MCTP1: variants seen among roughly 807,000 people sequenced by gnomAD.
The protein encoded by MCTP1 is multiple C2 and transmembrane domain containing 1.
MCTP1 carries 69 observed loss-of-function variants against 120.6 expected under a neutral mutation model. The observed-to-expected ratio is 0.57, with a 90% CI of 0.47 to 0.70. The LOEUF is 0.70. MCTP1 is among the 30% of genes least tolerant of loss of function. MCTP1 has a pLI of 0.00. For missense variants in MCTP1, 1,203 were observed against 1,248.8 expected (o/e 0.96, Z 0.55); for synonymous variants, 529 against 493.1 (o/e 1.07, Z -0.96).
chr5:94,887,565 A>G (rs1331440340), intron 12 of MCTP1, among the ~76,000 whole-genome samples: 1 of 152,210 alleles, frequency 6.6e-6, no homozygotes, highest in African/African-American at 2.4e-5. Context: ...AAGAAATTTC[A>G]TAAGTAGGAA....
chr5:94,923,380 A>G (rs1345752705), intron 7 of MCTP1, among the ~76,000 whole-genome samples: 1 of 152,226 alleles, frequency 6.6e-6, no homozygotes, highest in Non-Finnish European at 1.5e-5. Context: ...ATGGATGGTC[A>G]TTATGCTTTA....
chr5:94,955,604 G>A (rs185003647), intron 2 of MCTP1, among the ~76,000 whole-genome samples: 1 of 152,284 alleles, frequency 6.6e-6, no homozygotes, highest in Non-Finnish European at 1.5e-5. Context: ...CCATTACTGA[G>A]GCTTGAGTAG....
At chr5:95,102,395 C>A (rs181548329) in intron 1 of MCTP1, among the ~76,000 whole-genome samples, 84 of 152,330 alleles carry the variant, frequency 5.5e-4, no homozygotes, top group African/African-American at 2.0e-3. Flanking sequence ...ACAGTGCCAA[C>A]CTGCAGGACT....
At chr5:94,909,463 G>T in intron 9 of MCTP1, 82 bp from the exon 10 acceptor site, 2 of 1,396,348 alleles carry the variant, frequency 1.4e-6, no homozygotes, top group South Asian at 2.7e-5. Context: ...TCAAACTTTT[G>T]GTACTATAGT....
intron 1 of MCTP1, among the ~76,000 whole-genome samples, chr5:95,231,371 C>T (rs1754922861): frequency 6.6e-6 from 1 of 151,992 alleles, no homozygotes; most frequent in African/African-American, 2.4e-5. Flanking sequence ...TAGACTTTTG[C>T]TTCTCAACAA....
At chr5:94,830,619 C>T (rs949473366) in intron 17 of MCTP1, among the ~76,000 whole-genome samples, 1 of 152,144 alleles carries the variant, frequency 6.6e-6, no homozygotes, top group African/African-American at 2.4e-5. Context: ...TTCTTTAAGT[C>T]CTATTTAATT....
intron 12 of MCTP1, among the ~76,000 whole-genome samples, chr5:94,886,872 CGTGT>C (rs369897697): frequency 6.6e-6 from 1 of 151,394 alleles, no homozygotes; most frequent in Non-Finnish European, 1.5e-5. Flanking sequence ...TACATGTGTG[CGTGT>C]GTGTGTGTGT....
At chr5:94,995,535 A>T (rs1204046226) in intron 2 of MCTP1, among the ~76,000 whole-genome samples, 1 of 152,228 alleles carries the variant, frequency 6.6e-6, no homozygotes, top group Non-Finnish European at 1.5e-5. Flanking sequence ...CTCCTTGCAG[A>T]GTGAATTGAA....
chr5:94,908,789 A>G (rs1468358955), intron 10 of MCTP1, among the ~76,000 whole-genome samples: 1 of 152,028 alleles, frequency 6.6e-6, no homozygotes, highest in Non-Finnish European at 1.5e-5. Context: ...TGCTTCCTAC[A>G]CTAATACTTG....
intron 1 of MCTP1, among the ~76,000 whole-genome samples, chr5:95,228,227 CA>C (rs1045658476): frequency 2.0e-5 from 3 of 152,052 alleles, no homozygotes; most frequent in African/African-American, 7.2e-5. Context: ...ACAACAACAA[CA>C]AAAAACAATG....
intron 6 of MCTP1, chr5:94,931,587 A>AC (rs938266121): frequency 2.9e-4 from 53 of 185,032 alleles, no homozygotes; most frequent in Non-Finnish European, 3.7e-4. Context: ...ATTTTCTGTG[A>AC]CCCCCCAAAA....
chr5:94,795,062 T>G (rs190180609), intron 18 of MCTP1, among the ~76,000 whole-genome samples: 32 of 152,326 alleles, frequency 2.1e-4, no homozygotes, highest in African/African-American at 7.2e-4. Context: ...TTAATCTTTC[T>G]GGCCCTGTTT....
At chr5:94,906,954 A>T (rs10476617) in intron 10 of MCTP1, among the ~76,000 whole-genome samples, 2,928 of 152,312 alleles carry the variant, frequency 0.019, 87 homozygotes, top group African/African-American at 0.067. Context: ...GATTATGATG[A>T]CAGTTTTATT....
At chr5:95,257,873 G>A (rs75912777) in intron 1 of MCTP1, among the ~76,000 whole-genome samples, 31 of 149,952 alleles carry the variant, frequency 2.1e-4, no homozygotes, top group Middle Eastern at 3.5e-3. Flanking sequence ...AAATGAAAGC[G>A]TTCCCAATGG....
intron 2 of MCTP1, among the ~76,000 whole-genome samples, chr5:94,996,424 T>C (rs1485477584): frequency 6.6e-6 from 1 of 152,196 alleles, no homozygotes; most frequent in Admixed American, 6.5e-5. Context: ...TAGGATACTA[T>C]AGCCATTTCC....
rs758327608 is a variant in MCTP1 at position 94,902,473 on chromosome 5, ACACT to A, written c.1652+6774_1652+6777del. On this transcript the variant is annotated intron_variant, in intron 10 of 22. Coordinates refer to ENST00000515393, the MANE Select transcript of MCTP1 (RefSeq NM_024717.7). ...GATTGGCAGAACATTGAAACATAAA[ACACT>A]CAGAATGGGAAGACATGCCTCTATG... Among the ~76,000 whole-genome samples, 6 of 152,294 alleles carry A rather than the reference ACACT, an allele frequency of 3.9e-5. No individual in the cohort carries two copies. In the East Asian group the frequency reaches 7.7e-4, roughly 20 times the overall value.
chr5:95,061,475 T>A (rs62364724), intron 1 of MCTP1, among the ~76,000 whole-genome samples: 3 of 120,874 alleles, frequency 2.5e-5, no homozygotes, highest in East Asian at 2.8e-4. Flanking sequence ...TCGCTCTGTC[T>A]CCCAGGCTGG....
rs1431239784 is a variant in MCTP1, at chr5:94,940,070, G to A, written c.1173+14C>T. 2.0e-6 allele frequency: 3 copies of A among 1,473,566 alleles called. No homozygotes were observed. Among genetic ancestry groups the A allele is most frequent in the Admixed American group, 3.5e-5 (2 of 57,968 alleles). The allele number at this position is 1,473,566 out of a possible 1,614,324, so 91.3% of individuals were successfully genotyped here. ...AACAAGAAAGAGCTCCTACTAGGCT[G>A]TGGGGGAACTTACCACATCCCTGGA... On this transcript the variant is annotated intron_variant, in intron 5 of 22. Coordinates refer to ENST00000515393, the MANE Select transcript of MCTP1 (RefSeq NM_024717.7).
At chr5:95,062,034 CT>C (rs1451034283) in intron 1 of MCTP1, among the ~76,000 whole-genome samples, 5 of 152,170 alleles carry the variant, frequency 3.3e-5, no homozygotes, top group African/African-American at 1.2e-4. Context: ...GGTAATGGTT[CT>C]TATCCAAGCT....
Sources: gnomAD v4.1 joint callset for allele counts (sites outside exome capture counted in the v4.1 genomes callset) on GRCh38, gnomAD v4.1.1 for gene constraint, MANE v1.5 for transcripts, NCBI Gene and HGNC (gene_info 2026-07-23, HGNC 2026-07-21) for gene names.